The following ADGRG3 variants were observed in gnomAD, a reference collection of about 807,000 sequenced individuals.
ADGRG3 encodes the protein G protein-coupled receptor 97.
A neutral mutation model predicts 54.3 loss-of-function variants in ADGRG3; 39 were observed. The observed-to-expected ratio is 0.72, with a 90% CI of 0.56 to 0.94. The LOEUF is 0.94. Ranked by LOEUF, ADGRG3 falls within the 40% of genes least tolerant of loss-of-function variation. The pLI, the probability that ADGRG3 is intolerant of heterozygous loss-of-function variation, is 0.00. For synonymous variants in ADGRG3, 312 were observed against 290.0 expected, an observed-to-expected ratio of 1.08 and a Z score of -0.77; for missense variants, 654 against 694.6, an observed-to-expected ratio of 0.94 and a Z score of 0.66.
intron 3 of ADGRG3, among the ~76,000 whole-genome samples, chr16:57,676,954 T>C (rs537157812): frequency 6.6e-6 from 1 of 152,176 alleles, no homozygotes; most frequent in South Asian, 2.1e-4. Flanking sequence ...CTGGAAGAAA[T>C]GGATGTGGTG....
intron 6 of ADGRG3, 30 bp downstream of exon 6, chr16:57,679,885 A>G (rs1252255519): frequency 1.9e-6 from 3 of 1,568,306 alleles, no homozygotes; most frequent in Non-Finnish European, 2.6e-6. Flanking sequence ...CTCTGGGGTA[A>G]GACAGGAAGG....
chr16:57,681,537 A>G lies in ADGRG3; in HGVS notation c.881+920A>G, dbSNP rs745704364. On this transcript the variant is annotated intron_variant, in intron 8 of 11. Transcript: ENST00000333493. ...GGAGTTCGAGACCAGTCTGGCCAAC[A>G]TGGTGAAAGCCCATCTCTACTAAAA... is the stretch of plus-strand genomic sequence containing the variant. 9.2e-5 allele frequency among the ~76,000 whole-genome samples: 14 copies of G among 152,264 alleles called. No homozygotes were observed. The East Asian group carries it at 1.9e-3, about 21-fold the overall frequency.
chr16:57,667,461 T>C (rs982996702), upstream of ADGRG3, among the ~76,000 whole-genome samples: 14 of 152,260 alleles, frequency 9.2e-5, no homozygotes, highest in African/African-American at 3.1e-4. Context: ...ACCTCCCACC[T>C]GATCAGTGAC....
intron 1 of ADGRG3, among the ~76,000 whole-genome samples, chr16:57,671,785 C>T (rs970841182): frequency 3.9e-5 from 6 of 151,986 alleles, no homozygotes; most frequent in African/African-American, 7.3e-5. Context: ...AAGAGGGGAC[C>T]GGTTAAAAAA....
chr16:57,676,363 G>A (rs2148701840), intron 3 of ADGRG3, 25 bp downstream of exon 3: 1 of 1,610,302 alleles, frequency 6.2e-7, no homozygotes, highest in East Asian at 2.2e-5. Flanking sequence ...AGCCCTCTTG[G>A]CTGGTTCGGA....
At chr16:57,676,540 A>G (rs779452592) in intron 3 of ADGRG3, among the ~76,000 whole-genome samples, 18 of 152,324 alleles carry the variant, frequency 1.2e-4, no homozygotes, top group Non-Finnish European at 2.4e-4. Context: ...TACTGAGGGA[A>G]CATATTTGAA....
chr16:57,677,518 G>T (rs1353821523), intron 3 of ADGRG3, among the ~76,000 whole-genome samples: 2 of 152,136 alleles, frequency 1.3e-5, no homozygotes, highest in African/African-American at 2.4e-5. Context: ...GGAGGCGGAG[G>T]TTGCACTGAG....
intron 10 of ADGRG3, 35 bp downstream of exon 10, chr16:57,684,518 G>C (rs2048438325): frequency 1.4e-6 from 2 of 1,465,806 alleles, no homozygotes; most frequent in Admixed American, 1.7e-5. Flanking sequence ...GGTGATGCCA[G>C]CTCCCCGGCT....
Position 57,668,331 on chromosome 16 carries a change from G to T in ADGRG3, c.-17G>T. On this transcript the variant is annotated 5_prime_UTR_variant, in exon 1 of 12. Transcript: ENST00000333493. ...AGACAGCCACAGAGCTCCTGGCGTG[G>T]GCAAGGCTGGCCAAGGATGGCGACG... The T allele has an allele frequency of 6.4e-7, 1 of 1,560,608 alleles. No homozygotes were observed.
chr16:57,678,951 G>C (rs77353507), intron 4 of ADGRG3: 6,471 of 583,360 alleles, frequency 0.011, 314 homozygotes, highest in East Asian at 0.11. Flanking sequence ...AGAGCTGTCA[G>C]GTGCACAGCT....
Position 57,684,207 on chromosome 16 carries a change from G to A in ADGRG3, c.1157G>A (p.Gly386Asp). The change falls in exon 9 of 12, where the codon GGC (glycine) becomes GAC (aspartate). Residue 386 changes from glycine to aspartate, a missense_variant. Physicochemically the swap from Gly to Asp is moderately conservative, Grantham distance 94. Transcript: ENST00000333493. ...GHYFLKLSLV[G>D]WGLPALMVIG... ...TACTTCCTGAAGCTGAGCCTGGTGG[G>A]CTGGGGTAGGTGCTGCCTGGATGGA... 1.9e-6 allele frequency: 3 copies of A among 1,612,202 alleles called. No individual in the cohort carries two copies. Among genetic ancestry groups the A allele is most frequent in the Non-Finnish European group, 2.5e-6 (3 of 1,178,710 alleles).
rs765120914 is a variant in ADGRG3, at chr16:57,684,364, G to A, written c.1163-26G>A. ...GGAAGTGCCAGTAAGCCCCAGTGGT[G>A]TCATGCCATTTCCCCTTGTGCCCAG... On this transcript the variant is annotated intron_variant, in intron 9 of 11. Coordinates refer to ENST00000333493, the MANE Select transcript of ADGRG3 (RefSeq NM_170776.5). 6.2e-6 allele frequency: 10 copies of A among 1,601,412 alleles called. No individual in the cohort carries two copies. The South Asian group carries it at 1.1e-4, about 18-fold the overall frequency.
chr16:57,673,273 T>C, intron 1 of ADGRG3, 48 bp from the exon 2 acceptor site: 2 of 1,574,458 alleles, frequency 1.3e-6, no homozygotes, highest in Non-Finnish European at 1.7e-6. Context: ...TCATCCTTGC[T>C]GCCCATCTTC....
chr16:57,679,380 G>C, intron 5 of ADGRG3, 69 bp downstream of exon 5: 2 of 1,543,582 alleles, frequency 1.3e-6, no homozygotes, highest in Non-Finnish European at 1.8e-6. Flanking sequence ...CTGGGCCCAT[G>C]GGCCCTGCAT....
chr16:57,680,664 G>C, intron 8 of ADGRG3, 47 bp downstream of exon 8: 1 of 1,313,920 alleles, frequency 7.6e-7, no homozygotes, highest in Non-Finnish European at 1.1e-6. Context: ...CGCCCTCAAG[G>C]GAGGCAGCAG....
chr16:57,673,866 C>T (rs1306138789), intron 2 of ADGRG3, among the ~76,000 whole-genome samples: 2 of 152,062 alleles, frequency 1.3e-5, no homozygotes, highest in Admixed American at 6.6e-5. Flanking sequence ...CCAGCTGGAT[C>T]TAAACAATGG....
chr16:57,672,866 A>T (rs973202263), intron 1 of ADGRG3, among the ~76,000 whole-genome samples: 1 of 152,152 alleles, frequency 6.6e-6, no homozygotes, highest in Non-Finnish European at 1.5e-5. Flanking sequence ...ATCATTTTTT[A>T]AATTTACACA....
intron 2 of ADGRG3, among the ~76,000 whole-genome samples, chr16:57,674,329 G>A (rs1362436303): frequency 6.6e-6 from 1 of 152,150 alleles, no homozygotes; most frequent in African/African-American, 2.4e-5. Flanking sequence ...TGAGGGAAAT[G>A]AAGGGGTTTA....
chr16:57,683,674 C>A (rs1361832341), intron 8 of ADGRG3, among the ~76,000 whole-genome samples: 1 of 152,216 alleles, frequency 6.6e-6, no homozygotes. Context: ...TCCCTATTAT[C>A]CTGCCTCACA....
Sources: gnomAD v4.1 joint callset for allele counts (sites outside exome capture counted in the v4.1 genomes callset) on GRCh38, gnomAD v4.1.1 for gene constraint, MANE v1.5 for transcripts, NCBI Gene and HGNC (gene_info 2026-07-23, HGNC 2026-07-21) for gene names.